The following C8orf34 variants were observed in gnomAD, a reference collection of about 807,000 sequenced individuals.
The protein encoded by C8orf34 is uncharacterized protein C8orf34.
A neutral mutation model predicts 68.3 loss-of-function variants in C8orf34; 65 were observed. That is an observed-to-expected ratio of 0.95 (90% CI 0.78 to 1.17). The LOEUF (loss-of-function observed/expected upper bound fraction) is 1.17, where lower values mean the gene tolerates loss of function less well. Ranked by LOEUF, C8orf34 falls within the 50% of genes most tolerant of loss-of-function variation. The probability of loss-of-function intolerance (pLI) is 0.00; values close to 1 mark genes in which losing one functional copy is unlikely to be tolerated. For missense variants in C8orf34, 664 were observed against 655.4 expected, an observed-to-expected ratio of 1.01 and a Z score of -0.14; for synonymous variants, 244 against 241.2, an observed-to-expected ratio of 1.01 and a Z score of -0.11.
chr8:68,501,554 CT>C (rs1463835715), intron 5 of C8orf34, among the ~76,000 whole-genome samples: 1 of 152,160 alleles, frequency 6.6e-6, no homozygotes, highest in Non-Finnish European at 1.5e-5. Flanking sequence ...ATGCCTTTGC[CT>C]GTTCTCTAGA....
intron 1 of C8orf34, among the ~76,000 whole-genome samples, chr8:68,352,951 G>T (rs1806576114): frequency 6.6e-6 from 1 of 152,070 alleles, no homozygotes; most frequent in Admixed American, 6.6e-5. Context: ...ACATGGAATG[G>T]TGTCTATATT....
chr8:68,405,382 C>G (rs1232155368), intron 1 of C8orf34, among the ~76,000 whole-genome samples: 1 of 152,124 alleles, frequency 6.6e-6, no homozygotes, highest in Admixed American at 6.6e-5. Context: ...ATTGTTATAT[C>G]TGTTACCCAG....
chr8:68,636,721 A>G (rs1357302123), intron 7 of C8orf34, among the ~76,000 whole-genome samples: 1 of 152,150 alleles, frequency 6.6e-6, no homozygotes, highest in Non-Finnish European at 1.5e-5. Flanking sequence ...GTTCTGTTGT[A>G]TCCTTAGTCA....
intron 7 of C8orf34, among the ~76,000 whole-genome samples, chr8:68,554,905 C>G (rs1465264321): frequency 6.6e-6 from 1 of 152,082 alleles, no homozygotes; most frequent in Non-Finnish European, 1.5e-5. Context: ...GTTAAACAAC[C>G]TTAGATTGCT....
At chr8:68,561,689 T>C (rs7003926) in intron 7 of C8orf34, among the ~76,000 whole-genome samples, 32,245 of 152,018 alleles carry the variant, frequency 0.21, 4,450 homozygotes, top group African/African-American at 0.4. Flanking sequence ...ACCTGGGAAG[T>C]GGAGGTTGCA....
At chr8:68,575,627 A>G (rs967185371) in intron 7 of C8orf34, among the ~76,000 whole-genome samples, 1 of 152,218 alleles carries the variant, frequency 6.6e-6, no homozygotes, top group Non-Finnish European at 1.5e-5. Flanking sequence ...CTCATACACA[A>G]TGATAACTCA....
intron 12 of C8orf34, among the ~76,000 whole-genome samples, chr8:68,800,367 GT>G (rs983855702): frequency 3.9e-5 from 6 of 151,992 alleles, no homozygotes; most frequent in Admixed American, 2.0e-4. Flanking sequence ...AGTAATTTGG[GT>G]TTTTTTTAAG....
intron 10 of C8orf34, among the ~76,000 whole-genome samples, chr8:68,749,705 A>T (rs1822642354): frequency 1.3e-5 from 2 of 152,154 alleles, no homozygotes; most frequent in Non-Finnish European, 2.9e-5. Context: ...TGTATATGTT[A>T]TTTTAGGTCT....
intron 1 of C8orf34, among the ~76,000 whole-genome samples, chr8:68,422,507 G>A (rs918454303): frequency 1.3e-5 from 2 of 152,130 alleles, no homozygotes; most frequent in African/African-American, 2.4e-5. Flanking sequence ...ATGACCTTGG[G>A]CAGCTCTACT....
At chr8:68,540,260 G>C (rs1232318354) in intron 7 of C8orf34, among the ~76,000 whole-genome samples, 2 of 150,280 alleles carry the variant, frequency 1.3e-5, no homozygotes, top group Non-Finnish European at 3.0e-5. Flanking sequence ...CAATTTTTTG[G>C]TTTATGTCTG....
intron 12 of C8orf34, among the ~76,000 whole-genome samples, chr8:68,815,483 T>C (rs899898460): frequency 4.6e-5 from 7 of 152,128 alleles, no homozygotes; most frequent in Admixed American, 4.6e-4. Flanking sequence ...CGTGTACCTG[T>C]CTGGGGCTGA....
At chr8:68,525,635 T>A in intron 6 of C8orf34, 2 of 733,450 alleles carry the variant, frequency 2.7e-6, no homozygotes, top group Non-Finnish European at 4.9e-6. Flanking sequence ...TGGGAGCAGA[T>A]TATGCTGCCA....
intron 1 of C8orf34, among the ~76,000 whole-genome samples, chr8:68,371,837 A>T (rs144379105): frequency 2.6e-5 from 4 of 152,186 alleles, no homozygotes; most frequent in Admixed American, 2.6e-4. Flanking sequence ...TGACCTCATG[A>T]TCAGCCTGCC....
chr8:68,536,764 A>T (rs1563516160), intron 7 of C8orf34, among the ~76,000 whole-genome samples: 5 of 152,164 alleles, frequency 3.3e-5, no homozygotes, highest in Admixed American at 3.3e-4. Context: ...CTAAAAAGGA[A>T]AACAATATTA....
chr8:68,389,435 C>T (rs1808391218), intron 1 of C8orf34, among the ~76,000 whole-genome samples: 1 of 152,084 alleles, frequency 6.6e-6, no homozygotes, highest in Non-Finnish European at 1.5e-5. Context: ...TAAGAATCAT[C>T]CCAGTGCATG....
rs35661495 is a variant in C8orf34 at position 68,466,738 on chromosome 8, CATATATATAT to C, written c.608-1936_608-1927del. On this transcript the variant is annotated intron_variant, in intron 3 of 13. Coordinates refer to ENST00000518698, the MANE Select transcript of C8orf34 (RefSeq NM_052958.4). ...TTCTGTGAAAATAAACAACGTTGTA[CATATATATAT>C]ATATATATATATATATAGATGCTTT... Among the ~76,000 whole-genome samples the C allele has an allele frequency of 1.6e-3, 192 of 120,540 alleles. 6 individuals are homozygous for C. The highest frequency in any genetic ancestry group is 6.7e-3 in the East Asian group (32 of 4,772). The allele number at this position is 120,540 out of a possible 152,430, so 79.1% of individuals were successfully genotyped here.
chr8:68,531,978 C>G (rs896467011), intron 6 of C8orf34, among the ~76,000 whole-genome samples: 14 of 152,024 alleles, frequency 9.2e-5, no homozygotes, highest in African/African-American at 3.4e-4. Context: ...ACACCAACAA[C>G]ACCAAGAGAA....
intron 7 of C8orf34, among the ~76,000 whole-genome samples, chr8:68,629,585 A>G (rs996821687): frequency 6.6e-6 from 1 of 152,210 alleles, no homozygotes; most frequent in African/African-American, 2.4e-5. Context: ...ATGATCAATT[A>G]ATTAATTATC....
chr8:68,654,613 A>G (rs1416468276), intron 8 of C8orf34, among the ~76,000 whole-genome samples: 1 of 152,158 alleles, frequency 6.6e-6, no homozygotes, highest in Non-Finnish European at 1.5e-5. Flanking sequence ...ATAATCAAAT[A>G]TATTGATTTA....
Sources: allele counts gnomAD v4.1 joint callset (sites outside exome capture counted in the v4.1 genomes callset), GRCh38; gene constraint gnomAD v4.1.1; transcripts MANE v1.5; gene names NCBI Gene and HGNC (gene_info 2026-07-23, HGNC 2026-07-21).